ADAMTS7: variants seen among roughly 807,000 people sequenced by gnomAD.
ADAMTS7 encodes the protein ADAM metallopeptidase with thrombospondin type 1 motif 7, also known as A disintegrin and metalloproteinase with thrombospondin motifs 7.
A neutral mutation model predicts 172.6 loss-of-function variants in ADAMTS7; 89 were observed. The observed-to-expected ratio is 0.52, with a 90% CI of 0.43 to 0.61. The LOEUF is 0.61. Among genes scored for constraint, ADAMTS7 ranks in the 20% least tolerant of loss-of-function variants. The pLI, the probability that ADAMTS7 is intolerant of heterozygous loss-of-function variation, is 0.00. For synonymous variants in ADAMTS7, 885 were observed against 978.4 expected, an observed-to-expected ratio of 0.90 and a Z score of 1.78; for missense variants, 1,973 against 2,355.6, an observed-to-expected ratio of 0.84 and a Z score of 3.36.
At chr15:78,804,698 G>A (rs542731393) in intron 1 of ADAMTS7, among the ~76,000 whole-genome samples, 4 of 152,318 alleles carry the variant, frequency 2.6e-5, no homozygotes, top group Admixed American at 2.6e-4. Flanking sequence ...CAGCCTCAAA[G>A]AGCTTTCTCT....
chr15:78,777,388 C>T, intron 9 of ADAMTS7, 56 bp downstream of exon 9: 1 of 1,574,520 alleles, frequency 6.4e-7, no homozygotes, highest in Non-Finnish European at 8.6e-7. Flanking sequence ...GAGAGCTGCC[C>T]CCTGAGCCCT....
In ADAMTS7 at chr15:78,771,858, T is replaced by C. The variant is rs755303866; in HGVS notation, c.2132-29A>G. The stretch of plus-strand genomic sequence containing the variant: ...TCAGCCAAGGGTTGTGCATAGGTTG[T>C]GCCCAGGGTGAGAGGGTTGCTTATC... On this transcript the variant is annotated intron_variant, in intron 14 of 23. Transcript: ENST00000388820. This position sits in a 1 kb window ranked among gnomAD's most constrained non-coding sequence, Gnocchi z 4.9. 1.6e-5 allele frequency: 25 copies of C among 1,597,848 alleles called. No homozygotes were observed. The highest frequency in any genetic ancestry group is 1.9e-5 in the Non-Finnish European group (22 of 1,174,924).
At chr15:78,762,279 C>G in intron 23 of ADAMTS7, 124 bp downstream of exon 23, 1 of 1,202,120 alleles carries the variant, frequency 8.3e-7, no homozygotes, top group South Asian at 2.7e-5. Context: ...CATGTGGCTC[C>G]TGAGCCCAGA....
At chr15:78,811,043 T>G (rs2055859266) in intron 1 of ADAMTS7, 78 bp downstream of exon 1, 3 of 1,212,362 alleles carry the variant, frequency 2.5e-6, no homozygotes, top group African/African-American at 1.6e-5. Flanking sequence ...TCCACAAAGG[T>G]GAGGAGGGAC....
chr15:78,801,959 C>A (rs1344810843), intron 1 of ADAMTS7, among the ~76,000 whole-genome samples: 3 of 151,950 alleles, frequency 2.0e-5, no homozygotes, highest in Admixed American at 2.0e-4. Flanking sequence ...TCCCATAGTT[C>A]TGGGATTACA....
rs774208991 is a variant in ADAMTS7 at position 78,759,585 on chromosome 15, TG to T, written c.4904-8del. On this transcript the variant is annotated splice_region_variant and splice_polypyrimidine_tract_variant and intron_variant, in intron 23 of 23. Coordinates refer to ENST00000388820, the MANE Select transcript of ADAMTS7 (RefSeq NM_014272.5). ...AGGCGGTCCCGCTCACAGCCTGGAG[TG>T]GGGGGGCAGAGAGGCATCAGAACCA... The T allele has an allele frequency of 8.9e-6, 14 of 1,572,838 alleles. No individual in the cohort carries two copies. Among genetic ancestry groups the T allele is most frequent in the East Asian group, 2.3e-5 (1 of 43,382 alleles).
chr15:78,787,031 T>G (rs1379796699), intron 8 of ADAMTS7, among the ~76,000 whole-genome samples: 1 of 152,320 alleles, frequency 6.6e-6, no homozygotes, highest in Non-Finnish European at 1.5e-5. Flanking sequence ...ACATTTGCTT[T>G]TCTCTAGCTT....
intron 2 of ADAMTS7, among the ~76,000 whole-genome samples, chr15:78,798,476 A>G (rs138107684): frequency 4.9e-4 from 75 of 152,292 alleles, no homozygotes; most frequent in Non-Finnish European, 8.1e-4. Context: ...GCTTGTGCCC[A>G]GGCCTCCAGG....
In ADAMTS7 at chr15:78,774,753, G is replaced by T. The variant is rs376444243; in HGVS notation, c.1747C>A (p.Arg583Ser). The change falls in exon 12 of 24, where the codon CGC (arginine) becomes AGC (serine). Residue 583 changes from arginine to serine, a missense_variant. Physicochemically the swap from Arg to Ser is moderately radical, Grantham distance 110 (BLOSUM62 -1). Around this residue, in one of 8 missense-constraint regions of ADAMTS7, gnomAD observed 526 missense variants for 662.9 expected, o/e 0.79. Transcript: ENST00000388820. ...KGRYCVGERK[R>S]FRLCNLQACP... is the part of the protein sequence containing the mutation. ...GCCTGCAGGTTGCAGAGGCGGAAGCGCTTGCGCTCACCCACACAGTATCTG... is the reference window on the plus strand; with the variant it reads ...GCCTGCAGGTTGCAGAGGCGGAAGCTCTTGCGCTCACCCACACAGTATCTG... 1 of 1,611,100 alleles carries T rather than the reference G, an allele frequency of 6.2e-7. No homozygotes were observed.
intron 8 of ADAMTS7, among the ~76,000 whole-genome samples, chr15:78,786,035 T>C (rs2055497277): frequency 6.6e-6 from 1 of 150,612 alleles, no homozygotes; most frequent in Non-Finnish European, 1.5e-5. Context: ...GTTCAAGTGA[T>C]TCTCCTGCCT....
intron 1 of ADAMTS7, among the ~76,000 whole-genome samples, chr15:78,809,192 T>C (rs182830268): frequency 2.4e-3 from 370 of 152,226 alleles, no homozygotes; most frequent in South Asian, 5.0e-3. Flanking sequence ...AGCAGGTCCC[T>C]GGGTCAGTCA....
Position 78,791,221 on chromosome 15 carries a change from C to T in ADAMTS7, c.822G>A (p.Val274=). Residue 274 remains valine (V), a splice_region_variant and synonymous_variant, in exon 5 of 24, where the codon GTG becomes GTA. Transcript: ENST00000388820. ...TGCTGGGGTCATGAAACAGGCCAGC[C>T]ACCTGCCCAAGAGATGGGGGGGTCA... The part of the protein sequence containing the change: ...ESYVLTIMNM[V]AGLFHDPSIG... 1 of 1,612,424 alleles carries T rather than the reference C, an allele frequency of 6.2e-7. No individual in the cohort carries two copies. Among genetic ancestry groups the T allele is most frequent in the Non-Finnish European group, 8.5e-7 (1 of 1,179,254 alleles).
intron 6 of ADAMTS7, among the ~76,000 whole-genome samples, chr15:78,790,378 T>C (rs1011295285): frequency 3.3e-5 from 5 of 152,178 alleles, no homozygotes; most frequent in African/African-American, 1.2e-4. Flanking sequence ...AGTTTCCTGA[T>C]TGGGATACTG....
Position 78,789,898 on chromosome 15 carries a change from C to G in ADAMTS7, c.1029-60G>C, listed in dbSNP as rs533964841. ...TGGCCCAGTGCCAGGCCCACCTGAG[C>G]TAAGGCCAGGGAAGGGTCCCCCCGA... On this transcript the variant is annotated intron_variant, in intron 6 of 23. Transcript: ENST00000388820. 1.2e-5 allele frequency: 19 copies of G among 1,529,338 alleles called. No individual in the cohort carries two copies. The African/African-American group carries it at 2.6e-4, about 21-fold the overall frequency. The allele number at this position is 1,529,338 out of a possible 1,614,324, so 94.7% of individuals were successfully genotyped here. A position where few individuals can be genotyped will look rare whatever the true frequency, so the allele number is the denominator to read the frequency against.
intron 8 of ADAMTS7, among the ~76,000 whole-genome samples, chr15:78,779,374 G>A (rs1028137849): frequency 5.3e-5 from 8 of 152,130 alleles, no homozygotes; most frequent in Admixed American, 6.5e-5. Flanking sequence ...CACTGGCCCC[G>A]GGTCGCACAA....
In ADAMTS7 at chr15:78,796,766, G is replaced by C. The variant is rs368647280; in HGVS notation, c.643C>G (p.Arg215Gly). ...TGCCGCTGCTCCCAACGCTCCCGTCGAGACTCCAGCTCTGGGTACACTGGA... is the reference window on the plus strand; with the variant it reads ...TGCCGCTGCTCCCAACGCTCCCGTCCAGACTCCAGCTCTGGGTACACTGGA... ...GVQVYPELES[R>G]RERWEQRQQW... is the part of the protein sequence containing the mutation. The change falls in exon 4 of 24, where the codon CGA (arginine) becomes GGA (glycine). Residue 215 changes from arginine to glycine, a missense_variant. Arg to Gly is a moderately radical substitution (Grantham distance 125). This residue lies in a region of ADAMTS7 where 526 missense variants were observed against 662.9 expected (regional missense o/e 0.79). Transcript: ENST00000388820. 6.2e-7 allele frequency: 1 copy of C among 1,611,136 alleles called. No individual in the cohort carries two copies. The highest frequency in any genetic ancestry group is 2.2e-5 in the East Asian group (1 of 44,872).
In ADAMTS7 at chr15:78,767,553, G is replaced by T. The variant is rs752715890; in HGVS notation, c.2685C>A (p.Cys895Ter). The T allele has an allele frequency of 1.3e-6, 2 of 1,566,166 alleles. No homozygotes were observed. The highest frequency in any genetic ancestry group is 2.3e-4 in the Middle Eastern group (1 of 4,374). Residue 895 changes from cysteine to a stop codon, truncating the protein, a stop_gained, in exon 18 of 24, where the codon TGC (cysteine) becomes TGA (stop). Coordinates refer to ENST00000388820, the MANE Select transcript of ADAMTS7 (RefSeq NM_014272.5). LOFTEE classifies it high-confidence loss of function. ...CCCGGCGGGAGAGGCCCCCAGGCCC[G>T]CAGGAGCTGGAGCACAGCTGCCACT... ...AGEWQLCSSS[C>*]GPGGLSRRAV...
At position 78,765,740 on chromosome 15, in the gene ADAMTS7, T is replaced by C; in HGVS notation, c.4171A>G (p.Thr1391Ala). Reference protein sequence around the residue: ...SPANSHRVPETQPLAPSLAEA... With the variant: ...SPANSHRVPEAQPLAPSLAEA... ...GCCAGGCTGGGAGCCAGCGGCTGGG[T>C]CTCAGGGACTCTGTGGCTGTTGGCG... is the stretch of plus-strand genomic sequence containing the variant. Residue 1391 changes from threonine (T) to alanine (A), a missense_variant, in exon 19 of 24, where the codon ACC becomes GCC. This residue lies in a region of ADAMTS7 where 771 missense variants were observed against 952.6 expected (regional missense o/e 0.81). Transcript: ENST00000388820. 6.2e-7 allele frequency: 1 copy of C among 1,610,642 alleles called. No individual in the cohort carries two copies. The highest frequency in any genetic ancestry group is 8.5e-7 in the Non-Finnish European group (1 of 1,179,796).
intron 23 of ADAMTS7, among the ~76,000 whole-genome samples, chr15:78,760,629 C>T (rs1398705135): frequency 6.6e-6 from 1 of 152,168 alleles, no homozygotes; most frequent in Non-Finnish European, 1.5e-5. Context: ...ATGGATGTGG[C>T]CATGCTGTGT....
Sources: gnomAD v4.1 joint callset for allele counts (sites outside exome capture counted in the v4.1 genomes callset) on GRCh38, gnomAD v4.1.1 for gene constraint, gnomAD v4.1.1 regional missense constraint, Gnocchi (gnomAD v3.1) non-coding constraint, MANE v1.5 for transcripts, NCBI Gene and HGNC (gene_info 2026-07-23, HGNC 2026-07-21) for gene names.